Variants in PCF11 observed in about 807,000 individuals in gnomAD.
PCF11 encodes pre-mRNA cleavage complex 2 protein Pcf11.
In PCF11, 19 loss-of-function variants were observed where a neutral mutation model predicts 166.1. The observed-to-expected ratio is 0.11, with a 90% CI of 0.08 to 0.17. The LOEUF (loss-of-function observed/expected upper bound fraction) is 0.17, where lower values mean the gene tolerates loss of function less well. Among genes scored for constraint, PCF11 ranks in the 10% least tolerant of loss-of-function variants. PCF11 has a pLI of 1.00. For synonymous variants in PCF11, 663 were observed against 644.1 expected, an observed-to-expected ratio of 1.03 and a Z score of -0.44; for missense variants, 1,565 against 1,855.5, an observed-to-expected ratio of 0.84 and a Z score of 2.88.
intron 8 of PCF11, chr11:83,171,228 C>T (rs1860678824): frequency 4.7e-6 from 2 of 429,346 alleles, no homozygotes; most frequent in Non-Finnish European, 9.2e-6. Flanking sequence ...AGACCTTTTA[C>T]AAGATTACTT....
At chr11:83,171,250 T>C (rs1414368559) in intron 8 of PCF11, 1 of 451,100 alleles carries the variant, frequency 2.2e-6, no homozygotes, top group Admixed American at 2.4e-5. Context: ...GTAATGTGGC[T>C]ATAACCATGT....
chr11:83,176,511 A>T (rs1038042677), intron 9 of PCF11, among the ~76,000 whole-genome samples: 1 of 152,220 alleles, frequency 6.6e-6, no homozygotes, highest in African/African-American at 2.4e-5. Flanking sequence ...CAGCCATAAA[A>T]AAGGATGAGT....
At chr11:83,178,136 G>A (rs1860951992) in intron 11 of PCF11, among the ~76,000 whole-genome samples, 1 of 151,984 alleles carries the variant, frequency 6.6e-6, no homozygotes, top group Non-Finnish European at 1.5e-5. Flanking sequence ...TGCCTCCCAG[G>A]TTCAAGTGAT....
At chr11:83,182,552 ATTACT>A in intron 14 of PCF11, 61 bp downstream of exon 14, 1 of 835,574 alleles carries the variant, frequency 1.2e-6, no homozygotes, top group Non-Finnish European at 2.0e-6. Context: ...GGGTTAACAC[ATTACT>A]TTGAAAGGAG....
intron 4 of PCF11, among the ~76,000 whole-genome samples, chr11:83,164,756 G>C (rs1271115675): frequency 6.6e-6 from 1 of 151,762 alleles, no homozygotes; most frequent in Non-Finnish European, 1.5e-5. Context: ...GCATCCTTGT[G>C]ATCCCAGCTA....
At chr11:83,182,739 C>G (rs1861126237) in intron 14 of PCF11, among the ~76,000 whole-genome samples, 1 of 152,142 alleles carries the variant, frequency 6.6e-6, no homozygotes, top group African/African-American at 2.4e-5. Context: ...TCTTCTGAAT[C>G]TAGTTAGTCG....
chr11:83,169,038 A>G (rs1860579412), exon 8 of PCF11: 1 of 1,612,936 alleles, frequency 6.2e-7, no homozygotes, highest in East Asian at 2.2e-5. Context: ...CTGTGGGTGG[A>G]CTTAGATTTG....
At chr11:83,166,670 C>T (rs1282506155) in exon 5 of PCF11, 1 of 1,598,646 alleles carries the variant, frequency 6.3e-7, no homozygotes, top group African/African-American at 1.4e-5. Context: ...GGCAAAGTTC[C>T]AAGTCTGCCA....
At chr11:83,164,262 C>T (rs779536068) in exon 4 of PCF11, 2 of 1,613,734 alleles carry the variant, frequency 1.2e-6, no homozygotes, top group Non-Finnish European at 1.7e-6. Context: ...ATCTCCACTC[C>T]TCCAATTGTT....
Position 83,163,878 on chromosome 11 carries a change from A to G in PCF11, c.507+11A>G, listed in dbSNP as rs1173980395. On this transcript the variant is annotated intron_variant, in intron 3 of 15. Transcript: ENST00000298281. ...TTTTTAAATAAATCGGTAAGTTTTA[A>G]TATGAATAGTAAGTAACATACTTTT... 7 of 1,245,362 alleles carry G rather than the reference A, an allele frequency of 5.6e-6. No individual in the cohort carries two copies. The highest frequency in any genetic ancestry group is 4.6e-5 in the African/African-American group (3 of 65,118). 77.1% of individuals were successfully genotyped at this position (1,245,362 alleles called of 1,614,324 possible).
chr11:83,168,363 A>G, intron 7 of PCF11, 65 bp from the exon 8 acceptor site: 1 of 1,381,306 alleles, frequency 7.2e-7, no homozygotes, highest in East Asian at 2.5e-5. Flanking sequence ...TTGGATAAAC[A>G]TTCATACGAA....
At chr11:83,184,806 G>A (rs368789221) in exon 16 of PCF11, 7 of 1,606,934 alleles carry the variant, frequency 4.4e-6, no homozygotes, top group Non-Finnish European at 4.2e-6. Flanking sequence ...AAGGAAGAAC[G>A]AATTGATACA....
At chr11:83,164,561 A>G (rs1172995196) in intron 4 of PCF11, among the ~76,000 whole-genome samples, 160 bp downstream of exon 4, 2 of 151,904 alleles carry the variant, frequency 1.3e-5, no homozygotes, top group Non-Finnish European at 2.9e-5. Context: ...CTATACTTTT[A>G]TATCTTTATT....
At chr11:83,170,140 G>C (rs1359431734) in intron 8 of PCF11, 145 bp downstream of exon 8, 4 of 614,944 alleles carry the variant, frequency 6.5e-6, no homozygotes, top group Non-Finnish European at 1.0e-5. Flanking sequence ...TAAGGAAGTG[G>C]GATGAGCATC....
At position 83,182,474 on chromosome 11, in the gene PCF11, AT is replaced by A; in HGVS notation, c.4401del (p.Arg1468GlufsTer2). ...GGAGGAATGGCATTTGAAAAATGCT[AT>A]TAGAGTAGATGGAAAGGTAATTTTC... On this transcript the variant is annotated frameshift_variant, in exon 14 of 16. Transcript: ENST00000298281. LOFTEE classifies it high-confidence loss of function. The A allele has an allele frequency of 6.6e-7, 1 of 1,504,230 alleles. No individual in the cohort carries two copies. The highest frequency in any genetic ancestry group is 9.3e-7 in the Non-Finnish European group (1 of 1,080,832). 93.2% of individuals were successfully genotyped at this position (1,504,230 alleles called of 1,614,324 possible).
At chr11:83,161,831 TGGG>T (rs942306955) in intron 2 of PCF11, among the ~76,000 whole-genome samples, 2 of 152,110 alleles carry the variant, frequency 1.3e-5, no homozygotes, top group Non-Finnish European at 2.9e-5. Flanking sequence ...ACTGTTCTCT[TGGG>T]GGGGTAAAAA....
rs1442328157 is a variant in PCF11, at chr11:83,165,580, A to G, written c.703-20A>G. On this transcript the variant is annotated intron_variant, in intron 4 of 15. Coordinates refer to ENST00000298281, the Ensembl canonical transcript of PCF11. Reference sequence around the variant, plus strand: ...TGCATGTTCTGCAGTGTTAACATGAACATTTATTTTGTGTTTTAGGCAGTT... The same window carrying G: ...TGCATGTTCTGCAGTGTTAACATGAGCATTTATTTTGTGTTTTAGGCAGTT... 1.3e-6 allele frequency: 2 copies of G among 1,584,354 alleles called. No homozygotes were observed. Among genetic ancestry groups the G allele is most frequent in the East Asian group, 2.2e-5 (1 of 44,720 alleles).
At chr11:83,164,077 T>C in intron 3 of PCF11, 130 bp from the exon 4 acceptor site, 2 of 661,194 alleles carry the variant, frequency 3.0e-6, no homozygotes, top group Non-Finnish European at 5.0e-6. Flanking sequence ...TATTTTGGGT[T>C]TTAAATTTCT....
intron 9 of PCF11, among the ~76,000 whole-genome samples, chr11:83,174,694 G>A (rs1243034827): frequency 6.6e-6 from 1 of 152,232 alleles, no homozygotes; most frequent in East Asian, 1.9e-4. Context: ...CTGAGGCATA[G>A]ATAAGGAACT....
Sources: gnomAD v4.1 joint callset for allele counts (sites outside exome capture counted in the v4.1 genomes callset) on GRCh38, gnomAD v4.1.1 for gene constraint, MANE v1.5 for transcripts, NCBI Gene and HGNC (gene_info 2026-07-23, HGNC 2026-07-21) for gene names.